RNF19B: variants seen among roughly 807,000 people sequenced by gnomAD.
The protein encoded by RNF19B is ring finger protein 19B, also known as E3 ubiquitin-protein ligase RNF19B.
A neutral mutation model predicts 65.5 loss-of-function variants in RNF19B; 23 were observed. The observed-to-expected ratio is 0.35, with a 90% CI of 0.25 to 0.50. RNF19B has a LOEUF of 0.50. RNF19B is among the 20% of genes least tolerant of loss of function. The pLI is 0.98. For missense variants in RNF19B, 794 were observed against 980.0 expected (o/e 0.81, Z 2.53); for synonymous variants, 372 against 379.6 (o/e 0.98, Z 0.23).
At chr1:32,933,457 G>A (rs182476593), downstream of RNF19B, among the ~76,000 whole-genome samples, 10 of 152,008 alleles carry the variant, frequency 6.6e-5, no homozygotes, top group East Asian at 1.9e-4. Flanking sequence ...GGTTTCACCC[G>A]TGTTAGCCAG....
At chr1:32,944,935 G>A (rs369446281) in intron 5 of RNF19B, among the ~76,000 whole-genome samples, 129 of 152,156 alleles carry the variant, frequency 8.5e-4, no homozygotes, top group African/African-American at 2.9e-3. Flanking sequence ...TGATCCGCCC[G>A]CCTCGGCCTC....
chr1:32,959,854 G>A (rs553397475), intron 1 of RNF19B, among the ~76,000 whole-genome samples: 48 of 149,236 alleles, frequency 3.2e-4, no homozygotes, highest in Non-Finnish European at 5.8e-4. Context: ...TAGCTAACAC[G>A]GTGAAACCCC....
At position 32,936,825 on chromosome 1, in the gene RNF19B, C is replaced by A. The variant is rs1570072317; in HGVS notation, c.2177G>T (p.Gly726Val). 1 of 1,572,602 alleles carries A rather than the reference C, an allele frequency of 6.4e-7. No individual in the cohort carries two copies. The highest frequency in any genetic ancestry group is 8.7e-7 in the Non-Finnish European group (1 of 1,155,334). The change falls in exon 9 of 9, where the codon GGT becomes GTT. Residue 726 changes from glycine to valine, a missense_variant. Coordinates refer to ENST00000235150, the MANE Select transcript of RNF19B (RefSeq NM_001300826.2). ...TCCACTTCATACTCTGGCTTCTCCA[C>A]CTTCTGGCTTCAAGACAGTTTGTCC... ...AEGQTVLKPE[G>V]GEARV
Position 32,936,654 on chromosome 1 carries a change from G to GA in RNF19B, c.*151dup. The GA allele has an allele frequency of 1.3e-6, 1 of 765,726 alleles. No individual in the cohort carries two copies. The highest frequency in any genetic ancestry group is 1.9e-6 in the Non-Finnish European group (1 of 518,062). 47.4% of individuals were successfully genotyped at this position (765,726 alleles called of 1,614,324 possible). On this transcript the variant is annotated 3_prime_UTR_variant, in exon 9 of 9. Transcript: ENST00000235150. Reference sequence around the variant, plus strand: ...CATGTTTTATCTGGTAAGAAATTGTGAATTTCTCAGAATTTCCCTGGGCAA... The same window carrying GA: ...CATGTTTTATCTGGTAAGAAATTGTGAAATTTCTCAGAATTTCCCTGGGCAA...
Position 32,938,384 on chromosome 1 carries a change from A to C in RNF19B, c.1742+13T>G. 6.2e-7 allele frequency: 1 copy of C among 1,614,018 alleles called. No homozygotes were observed. The highest frequency in any genetic ancestry group is 8.5e-7 in the Non-Finnish European group (1 of 1,179,954). On this transcript the variant is annotated intron_variant, in intron 8 of 8. Transcript: ENST00000235150. ...AAATGCAACCTCTCCTGGACATCTG[A>C]CTGTTCACATACCTGTCCTGTGGGT...
chr1:32,940,004 C>G (rs578085453), intron 7 of RNF19B, among the ~76,000 whole-genome samples: 135 of 152,326 alleles, frequency 8.9e-4, no homozygotes, highest in Non-Finnish European at 1.5e-3. Context: ...TAGCAGCCTG[C>G]AGCTGCACAT....
At chr1:32,953,145 T>G (rs1332433726) in intron 1 of RNF19B, among the ~76,000 whole-genome samples, 1 of 151,686 alleles carries the variant, frequency 6.6e-6, no homozygotes, top group Non-Finnish European at 1.5e-5. Flanking sequence ...TTTTTATTTT[T>G]TTTTTGTAGA....
downstream of RNF19B, among the ~76,000 whole-genome samples, chr1:32,934,443 G>A (rs1230022608): frequency 1.3e-5 from 2 of 152,152 alleles, no homozygotes; most frequent in African/African-American, 4.8e-5. Flanking sequence ...CACTTTAGGA[G>A]GCTGAGGTGG....
rs1474504635 is a variant in RNF19B at position 32,949,636 on chromosome 1, C to T, written c.774G>A (p.Arg258=). 6.2e-7 allele frequency: 1 copy of T among 1,613,882 alleles called. No homozygotes were observed. The highest frequency in any genetic ancestry group is 1.1e-5 in the South Asian group (1 of 91,068). Residue 258 remains arginine (R), a synonymous_variant, in exon 2 of 9, where the codon AGG becomes AGA. Transcript: ENST00000235150. ...NQTCDMARQQ[R]AQTLRVRTKH... is the part of the protein sequence containing the mutation. The stretch of plus-strand genomic sequence containing the variant: ...TGGTCCGAACTCGTAAAGTCTGGGC[C>T]CTCTGTTGACGGGCCATATCGCATG...
In RNF19B at chr1:32,964,540, C is replaced by T; in HGVS notation, c.146G>A (p.Arg49Gln). 7 of 1,179,086 alleles carry T rather than the reference C, an allele frequency of 5.9e-6. No homozygotes were observed. In the South Asian group the frequency reaches 1.4e-4, roughly 23 times the overall value. 73.0% of individuals were successfully genotyped at this position (1,179,086 alleles called of 1,614,324 possible). A position where few individuals can be genotyped will look rare whatever the true frequency, so the allele number is the denominator to read the frequency against. ...CGGCGGCTCGGCCTGCGGCTTGGCCCGGGCGCGGCGGCCGCGGGCCGAGGC... is the reference window on the plus strand; with the variant it reads ...CGGCGGCTCGGCCTGCGGCTTGGCCTGGGCGCGGCGGCCGCGGGCCGAGGC... Reference protein sequence around the residue: ...FSASARGRRARAKPQAEPPPP... With the variant: ...FSASARGRRAQAKPQAEPPPP... Residue 49 changes from arginine (R) to glutamine (Q), a missense_variant, in exon 1 of 9, where the codon CGG becomes CAG. Transcript: ENST00000235150. The surrounding 1 kb of genome is among the most constrained non-coding windows in gnomAD (Gnocchi z 6.5).
intron 1 of RNF19B, among the ~76,000 whole-genome samples, chr1:32,953,901 CT>C (rs1180002582): frequency 0.12 from 10,217 of 84,702 alleles, 192 homozygotes; most frequent in African/African-American, 0.22. Flanking sequence ...GCCCCCACTT[CT>C]TTTTTTTTTT....
chr1:32,948,406 G>C (rs1442735946), intron 2 of RNF19B, 43 bp from the exon 3 acceptor site: 1 of 1,592,170 alleles, frequency 6.3e-7, no homozygotes, highest in Non-Finnish European at 8.6e-7. Context: ...AATACCCCTA[G>C]TTAAATCCAG....
chr1:32,957,820 C>A (rs952185607), intron 1 of RNF19B, among the ~76,000 whole-genome samples: 2 of 152,182 alleles, frequency 1.3e-5, no homozygotes, highest in Non-Finnish European at 2.9e-5. Flanking sequence ...GGCGACAAAG[C>A]GAGACTCCAT....
rs144760315 is a variant in RNF19B at position 32,948,779 on chromosome 1, A to G, written c.842-416T>C. On this transcript the variant is annotated intron_variant, in intron 2 of 8. Transcript: ENST00000235150. The stretch of plus-strand genomic sequence containing the variant: ...TTAAAAACTTTAGTTTGGGAAATTT[A>G]TTTTTCAGGTTCAACATGTATCATT... Among the ~76,000 whole-genome samples the G allele has an allele frequency of 6.8e-3, 1,039 of 152,248 alleles. 6 individuals carry two copies. Among genetic ancestry groups the G allele is most frequent in the Non-Finnish European group, 0.011 (776 of 68,014 alleles).
rs1319878145 is a variant in RNF19B at position 32,964,807 on chromosome 1, G to C, written c.-122C>G. 2 of 971,816 alleles carry C rather than the reference G, an allele frequency of 2.1e-6. No individual in the cohort carries two copies. Among genetic ancestry groups the C allele is most frequent in the Non-Finnish European group, 2.7e-6 (2 of 734,998 alleles). 60.2% of individuals were successfully genotyped at this position (971,816 alleles called of 1,614,324 possible). On this transcript the variant is annotated 5_prime_UTR_variant, in exon 1 of 9. The change creates a new upstream start codon in the 5' untranslated region. Transcript: ENST00000235150. The surrounding 1 kb of genome is among the most constrained non-coding windows in gnomAD (Gnocchi z 6.5). ...CCACCGCCTCAACCGCCCTCCCGGC[G>C]ATAGAAGCCGAGCGGCAACGACGAA...
In RNF19B at chr1:32,936,489, G is replaced by A. The variant is rs1642100269; in HGVS notation, c.*317C>T. On this transcript the variant is annotated 3_prime_UTR_variant, in exon 9 of 9. Coordinates refer to ENST00000235150, the MANE Select transcript of RNF19B (RefSeq NM_001300826.2). ...AATCTTTATTAAAATGTGTCTTTCA[G>A]TAATATGTTTAGCATTCAATATACA... The A allele has an allele frequency of 9.7e-6, 2 of 205,750 alleles. No individual in the cohort carries two copies. Among genetic ancestry groups the A allele is most frequent in the Non-Finnish European group, 1.9e-5 (2 of 103,710 alleles). 12.7% of individuals were successfully genotyped at this position (205,750 alleles called of 1,614,324 possible).
chr1:32,951,142 C>A (rs1642486894), intron 1 of RNF19B, among the ~76,000 whole-genome samples: 1 of 152,076 alleles, frequency 6.6e-6, no homozygotes, highest in Non-Finnish European at 1.5e-5. Context: ...CAGCCTTTTT[C>A]ATTTTTTTTC....
intron 1 of RNF19B, among the ~76,000 whole-genome samples, chr1:32,960,100 C>T (rs182868201): frequency 1.7e-3 from 252 of 152,154 alleles, no homozygotes; most frequent in African/African-American, 5.6e-3. Flanking sequence ...AATTGGTTCC[C>T]TTATTTATGA....
rs1162569544 is a variant in RNF19B at position 32,964,544 on chromosome 1, C to A, written c.142G>T (p.Ala48Ser). 1.2e-5 allele frequency: 15 copies of A among 1,202,416 alleles called. No individual in the cohort carries two copies. The highest frequency in any genetic ancestry group is 1.6e-5 in the Non-Finnish European group (15 of 961,138). 74.5% of individuals were successfully genotyped at this position (1,202,416 alleles called of 1,614,324 possible). The change falls in exon 1 of 9, where the codon GCC becomes TCC. Residue 48 changes from alanine to serine, a missense_variant. Around this residue, in one of 3 missense-constraint regions of RNF19B, gnomAD observed 374 missense variants for 423.8 expected, o/e 0.88. Coordinates refer to ENST00000235150, the MANE Select transcript of RNF19B (RefSeq NM_001300826.2). The surrounding 1 kb of genome is among the most constrained non-coding windows in gnomAD (Gnocchi z 6.5). The stretch of plus-strand genomic sequence containing the variant: ...GGCTCGGCCTGCGGCTTGGCCCGGG[C>A]GCGGCGGCCGCGGGCCGAGGCAGAG... ...VFSASARGRR[A>S]RAKPQAEPPP...
Sources: allele counts gnomAD v4.1 joint callset (sites outside exome capture counted in the v4.1 genomes callset), GRCh38; gene constraint gnomAD v4.1.1; regional missense constraint gnomAD v4.1.1; non-coding constraint Gnocchi (gnomAD v3.1); transcripts MANE v1.5; gene names NCBI Gene and HGNC (gene_info 2026-07-23, HGNC 2026-07-21).